ZNF7: variants seen among roughly 807,000 people sequenced by gnomAD.
The protein encoded by ZNF7 is zinc finger protein 7.
ZNF7 carries 10 observed loss-of-function variants against 12.0 expected under a neutral mutation model. The ratio of observed to expected loss-of-function variants is 0.83; its 90% CI spans 0.51 to 1.42. The LOEUF is 1.42. Among genes scored for constraint, ZNF7 ranks in the 40% most tolerant of loss-of-function variants. The pLI is 0.00. For synonymous variants in ZNF7, 334 were observed against 295.0 expected, an observed-to-expected ratio of 1.13 and a Z score of -1.35; for missense variants, 854 against 837.2, an observed-to-expected ratio of 1.02 and a Z score of -0.25.
chr8:144,841,958 G>A lies in ZNF7; in HGVS notation c.851G>A (p.Gly284Glu), dbSNP rs1319987786. ...GEKPFKCTEC[G>E]KAFRLSSKLI... Reference sequence around the variant, plus strand: ...AAACCCTTTAAATGCACTGAGTGTGGAAAAGCCTTCCGCCTGAGCTCAAAA... The same window carrying A: ...AAACCCTTTAAATGCACTGAGTGTGAAAAAGCCTTCCGCCTGAGCTCAAAA... Residue 284 changes from glycine to glutamate, a missense_variant, in exon 5 of 5, where the codon GGA (glycine) becomes GAA (glutamate). Coordinates refer to ENST00000532777, the MANE Select transcript of ZNF7 (RefSeq NM_003416.4). 1.2e-6 allele frequency: 2 copies of A among 1,614,196 alleles called. No homozygotes were observed. Among genetic ancestry groups the A allele is most frequent in the South Asian group, 2.2e-5 (2 of 91,084 alleles).
In ZNF7 at chr8:144,842,544, T is replaced by G; in HGVS notation, c.1437T>G (p.Val479=). Residue 479 remains valine (V), a synonymous_variant, in exon 5 of 5, where the codon GTT becomes GTG. Transcript: ENST00000532777. ...FKCDECGKGF[V]QGSHLIQHQR... The stretch of plus-strand genomic sequence containing the variant: ...GTGATGAGTGTGGCAAAGGCTTTGT[T>G]CAGGGCTCACACCTTATTCAGCATC... 1.2e-6 allele frequency: 2 copies of G among 1,614,042 alleles called. No homozygotes were observed. The highest frequency in any genetic ancestry group is 2.2e-5 in the South Asian group (2 of 91,076).
chr8:144,842,894 TTATTGAACACCAGAGAATACACAC>T lies in ZNF7; in HGVS notation c.1790_1813del (p.Ile597_Thr604del). 6.2e-7 allele frequency: 1 copy of T among 1,614,232 alleles called. No homozygotes were observed. The highest frequency in any genetic ancestry group is 8.5e-7 in the Non-Finnish European group (1 of 1,180,044). On this transcript the variant is annotated inframe_deletion, in exon 5 of 5. Coordinates refer to ENST00000532777, the MANE Select transcript of ZNF7 (RefSeq NM_003416.4). The stretch of plus-strand genomic sequence containing the variant: ...AAAGCCTTCAGCCGGAGCTCATATC[TTATTGAACACCAGAGAATACACAC>T]TAGGGCCCAGTGGTTTTACGAATAT...
chr8:144,837,873 C>T (rs138440857), intron 4 of ZNF7: 111 of 557,610 alleles, frequency 2.0e-4, no homozygotes, highest in African/African-American at 1.5e-3. Flanking sequence ...AACCTCTCCT[C>T]GGGTAAGCAT....
chr8:144,842,684 A>G lies in ZNF7; in HGVS notation c.1577A>G (p.Glu526Gly), dbSNP rs1431625751. Reference protein sequence around the residue: ...QRIHKGEKPYECLQCGKAFSM... With the variant: ...QRIHKGEKPYGCLQCGKAFSM... The stretch of plus-strand genomic sequence containing the variant: ...ATCCATAAAGGAGAGAAGCCCTACG[A>G]ATGCCTCCAATGCGGAAAAGCCTTC... Residue 526 changes from glutamate (E) to glycine (G), a missense_variant, in exon 5 of 5, where the codon GAA becomes GGA. Coordinates refer to ENST00000532777, the MANE Select transcript of ZNF7 (RefSeq NM_003416.4). The G allele has an allele frequency of 6.2e-7, 1 of 1,614,056 alleles. No homozygotes were observed. The highest frequency in any genetic ancestry group is 8.5e-7 in the Non-Finnish European group (1 of 1,180,046).
At chr8:144,839,893 A>G (rs1385588565) in intron 4 of ZNF7, among the ~76,000 whole-genome samples, 2 of 152,142 alleles carry the variant, frequency 1.3e-5, no homozygotes, top group African/African-American at 2.4e-5. Context: ...GCATCCCCCA[A>G]CAAAGCCTTG....
chr8:144,836,809 G>A (rs1331424145), intron 3 of ZNF7: 1 of 152,994 alleles, frequency 6.5e-6, no homozygotes. Flanking sequence ...GCCCCAAGAA[G>A]GCAGGGTGCC....
intron 3 of ZNF7, among the ~76,000 whole-genome samples, chr8:144,831,804 A>G (rs116081905): frequency 0.019 from 1,845 of 97,304 alleles, 414 homozygotes; most frequent in African/African-American, 0.053. Context: ...AAAAAAGACT[A>G]TCTTAGAATT....
At position 144,841,599 on chromosome 8, in the gene ZNF7, CA is replaced by C; in HGVS notation, c.494del (p.Lys165ArgfsTer125). 2 of 1,614,152 alleles carry C rather than the reference CA, an allele frequency of 1.2e-6. No homozygotes were observed. The highest frequency in any genetic ancestry group is 1.7e-6 in the Non-Finnish European group (2 of 1,180,024). On this transcript the variant is annotated frameshift_variant, in exon 5 of 5. Coordinates refer to ENST00000532777, the MANE Select transcript of ZNF7 (RefSeq NM_003416.4). LOFTEE classifies it low-confidence loss of function (END_TRUNC). ...AGACTGTGGTTCCCAAGACCTTCAC[CA>C]AGGACGCACCCCAGGGATGTAAGGA... is the stretch of plus-strand genomic sequence containing the variant. Reference protein sequence around the residue: ...EETVVPKTFTKDAPQGCKELG... With the variant: ...EETVVPKTFTXDAPQGCKELG...
Position 144,843,451 on chromosome 8 carries a change from G to C in ZNF7, c.*283G>C, listed in dbSNP as rs569134801. On this transcript the variant is annotated 3_prime_UTR_variant, in exon 5 of 5. Transcript: ENST00000532777. ...AAAATACAAAAATTTAGCTGGGCGTGGTGGCAGGCACCTGTGGTCCCAGCT... is the reference window on the plus strand; with the variant it reads ...AAAATACAAAAATTTAGCTGGGCGTCGTGGCAGGCACCTGTGGTCCCAGCT... The C allele has an allele frequency of 1.2e-5, 3 of 252,964 alleles. No individual in the cohort carries two copies. Among genetic ancestry groups the C allele is most frequent in the Non-Finnish European group, 2.2e-5 (3 of 134,052 alleles). The allele number at this position is 252,964 out of a possible 1,614,324, so 15.7% of individuals were successfully genotyped here.
downstream of ZNF7, chr8:144,846,313 G>C: frequency 2.3e-6 from 2 of 859,138 alleles, no homozygotes; most frequent in South Asian, 3.9e-5. Flanking sequence ...TCCTAAGTCA[G>C]GGGCTGGCAA....
chr8:144,829,171 G>A lies in ZNF7; in HGVS notation c.3+81G>A, dbSNP rs1300682786. 59 of 1,603,768 alleles carry A rather than the reference G, an allele frequency of 3.7e-5. No individual in the cohort carries two copies. The South Asian group carries it at 3.9e-4, about 11-fold the overall frequency. Reference sequence around the variant, plus strand: ...GCTCTGCCCACTGGCCCTGGGCCCAGACCCTACCTTGGCCCTTGCTGGGCT... The same window carrying A: ...GCTCTGCCCACTGGCCCTGGGCCCAAACCCTACCTTGGCCCTTGCTGGGCT... On this transcript the variant is annotated intron_variant, in intron 2 of 4. Coordinates refer to ENST00000532777, the MANE Select transcript of ZNF7 (RefSeq NM_003416.4).
At chr8:144,845,901 T>C, downstream of ZNF7, 1 of 1,424,856 alleles carries the variant, frequency 7.0e-7, no homozygotes. Flanking sequence ...GAGAAGGGTC[T>C]TGGCAGGTAA....
Position 144,842,274 on chromosome 8 carries a change from T to G in ZNF7, c.1167T>G (p.Ala389=), listed in dbSNP as rs1830034251. The change falls in exon 5 of 5, where the codon GCT becomes GCG. Residue 389 remains alanine, a synonymous_variant. Coordinates refer to ENST00000532777, the MANE Select transcript of ZNF7 (RefSeq NM_003416.4). ...AAAGGATGCATACTGGGGAGAAAGC[T>G]CAAATTCTAAAAGCCTCAGACAGTC... ...QHQRMHTGEK[A]QILKASDSPS... is the part of the protein sequence containing the mutation. 1 of 1,613,812 alleles carries G rather than the reference T, an allele frequency of 6.2e-7. No homozygotes were observed. The highest frequency in any genetic ancestry group is 1.7e-5 in the Admixed American group (1 of 59,994).
chr8:144,828,307 G>A (rs1033111608), intron 1 of ZNF7, among the ~76,000 whole-genome samples: 1 of 152,198 alleles, frequency 6.6e-6, no homozygotes, highest in Non-Finnish European at 1.5e-5. Flanking sequence ...ACATCCCTGT[G>A]CCTGGTTCCA....
At chr8:144,837,616 G>A in intron 4 of ZNF7, 109 bp downstream of exon 4, 1 of 720,092 alleles carries the variant, frequency 1.4e-6, no homozygotes, top group Non-Finnish European at 2.3e-6. Flanking sequence ...ACACTGGGAT[G>A]CCTGGGAATG....
At chr8:144,837,601 G>A (rs1449832312) in intron 4 of ZNF7, 94 bp downstream of exon 4, 2 of 834,090 alleles carry the variant, frequency 2.4e-6, no homozygotes, top group Non-Finnish European at 3.8e-6. Flanking sequence ...TGAGTCGCGG[G>A]GGCTACACTG....
At chr8:144,833,113 G>T (rs1202905542) in intron 3 of ZNF7, among the ~76,000 whole-genome samples, 4 of 150,004 alleles carry the variant, frequency 2.7e-5, no homozygotes, top group African/African-American at 9.8e-5. Flanking sequence ...CAGGAGAATC[G>T]CTTGAACCTG....
chr8:144,835,393 G>C (rs1163056852), intron 3 of ZNF7: 1 of 151,892 alleles, frequency 6.6e-6, no homozygotes, highest in Non-Finnish European at 1.5e-5. Flanking sequence ...TGTAGAGTTG[G>C]GGTCTGTCAT....
At chr8:144,841,121 C>G (rs969749755) in intron 4 of ZNF7, 1 of 518,600 alleles carries the variant, frequency 1.9e-6, no homozygotes, top group African/African-American at 1.9e-5. Flanking sequence ...AGAACCCAGC[C>G]CTGCCCCAGC....
Sources: gnomAD v4.1 joint callset for allele counts (sites outside exome capture counted in the v4.1 genomes callset) on GRCh38, gnomAD v4.1.1 for gene constraint, MANE v1.5 for transcripts, NCBI Gene and HGNC (gene_info 2026-07-23, HGNC 2026-07-21) for gene names.